HORMAD2: variants seen among roughly 807,000 people sequenced by gnomAD.
HORMAD2 encodes the protein HORMA domain containing 2.
HORMAD2 carries 45 observed loss-of-function variants against 38.8 expected under a neutral mutation model. The ratio of observed to expected loss-of-function variants is 1.16; its 90% CI spans 0.91 to 1.49. The LOEUF (loss-of-function observed/expected upper bound fraction) is 1.49, where lower values mean the gene tolerates loss of function less well. Ranked by LOEUF, HORMAD2 falls within the 40% of genes most tolerant of loss-of-function variation. The pLI is 0.00. For synonymous variants in HORMAD2, 126 were observed against 122.8 expected, an observed-to-expected ratio of 1.03 and a Z score of -0.17; for missense variants, 338 against 367.0, an observed-to-expected ratio of 0.92 and a Z score of 0.65.
At chr22:30,178,395 A>G (rs1395199142), downstream of HORMAD2, among the ~76,000 whole-genome samples, 1 of 152,212 alleles carries the variant, frequency 6.6e-6, no homozygotes, top group Non-Finnish European at 1.5e-5. Flanking sequence ...GTGAGACAAC[A>G]GAGAAGTTTC....
chr22:30,152,228 C>T (rs948970411), intron 10 of HORMAD2, among the ~76,000 whole-genome samples: 4 of 152,062 alleles, frequency 2.6e-5, no homozygotes, highest in African/African-American at 4.8e-5. Flanking sequence ...GAAACAGTCT[C>T]GCTCTGTTGC....
chr22:30,078,606 A>AC (rs200880308), upstream of HORMAD2, among the ~76,000 whole-genome samples: 188 of 130,608 alleles, frequency 1.4e-3, 3 homozygotes, highest in Middle Eastern at 3.9e-3. Context: ...ACTCTGTCTC[A>AC]CAAAAAAAAA....
intron 2 of HORMAD2, among the ~76,000 whole-genome samples, chr22:30,095,131 C>T (rs1465296977): frequency 1.3e-5 from 2 of 152,082 alleles, no homozygotes; most frequent in Non-Finnish European, 2.9e-5. Flanking sequence ...ACTACTGGGT[C>T]TTCTTCTGTC....
At chr22:30,099,571 C>T (rs1920929818) in intron 3 of HORMAD2, among the ~76,000 whole-genome samples, 1 of 152,060 alleles carries the variant, frequency 6.6e-6, no homozygotes, top group African/African-American at 2.4e-5. Flanking sequence ...CTGTTTCTGG[C>T]CCCTTTTCTT....
the HORMAD2 span, among the ~76,000 whole-genome samples, chr22:30,195,499 C>G: frequency 6.6e-6 from 1 of 152,200 alleles, no homozygotes; most frequent in African/African-American, 2.4e-5. Flanking sequence ...AGGGCAGGCT[C>G]TTTGACTGAG....
At chr22:30,107,807 C>A (rs1172324066) in intron 5 of HORMAD2, among the ~76,000 whole-genome samples, 2 of 151,410 alleles carry the variant, frequency 1.3e-5, no homozygotes, top group Non-Finnish European at 1.5e-5. Flanking sequence ...ATTTGAGTAT[C>A]TAGAGATCTT....
At chr22:30,158,611 G>A (rs56092518) in intron 10 of HORMAD2, among the ~76,000 whole-genome samples, 5 of 44,486 alleles carry the variant, frequency 1.1e-4, no homozygotes, top group South Asian at 1.1e-3. Flanking sequence ...CCCTCCCTCC[G>A]TCCCTCCCTC....
intron 1 of HORMAD2, among the ~76,000 whole-genome samples, chr22:30,085,898 C>T (rs1024721159): frequency 1.3e-5 from 2 of 152,184 alleles, no homozygotes; most frequent in Non-Finnish European, 1.5e-5. Context: ...GCAAAGGGCA[C>T]ATAACCCAGA....
intron 1 of HORMAD2, among the ~76,000 whole-genome samples, chr22:30,085,571 T>G (rs1160405411): frequency 6.6e-6 from 1 of 152,056 alleles, no homozygotes; most frequent in Non-Finnish European, 1.5e-5. Flanking sequence ...CTGGCCAACA[T>G]GGCTAAACCC....
At chr22:30,151,877 T>G (rs1326330814) in intron 10 of HORMAD2, among the ~76,000 whole-genome samples, 1 of 152,172 alleles carries the variant, frequency 6.6e-6, no homozygotes, top group East Asian at 1.9e-4. Context: ...TATCCTGACT[T>G]TGTTCAAAAG....
At chr22:30,147,874 C>T (rs1158775564) in intron 10 of HORMAD2, among the ~76,000 whole-genome samples, 1 of 152,110 alleles carries the variant, frequency 6.6e-6, no homozygotes, top group East Asian at 1.9e-4. Flanking sequence ...CTTTGGGAGG[C>T]CCTGGTGGAA....
chr22:30,140,281 A>G (rs939449270), intron 10 of HORMAD2, among the ~76,000 whole-genome samples: 1 of 151,688 alleles, frequency 6.6e-6, no homozygotes, highest in African/African-American at 2.4e-5. Context: ...AAAAAGAAAA[A>G]GTGTGCATGA....
rs1238387812 is a variant in HORMAD2 at position 30,126,547 on chromosome 22, A to G, written c.819+4333A>G. Among the ~76,000 whole-genome samples, 3 of 152,168 alleles carry G rather than the reference A, an allele frequency of 2.0e-5. No individual in the cohort carries two copies. In the East Asian group the frequency reaches 5.8e-4, roughly 29 times the overall value. Reference sequence around the variant, plus strand: ...ACATGTTGTTGTAGACCATCCTGACAATTTATTCATTCTATTGTTAATGAC... The same window carrying G: ...ACATGTTGTTGTAGACCATCCTGACGATTTATTCATTCTATTGTTAATGAC... On this transcript the variant is annotated intron_variant, in intron 10 of 10. Transcript: ENST00000336726.
chr22:30,117,575 C>G (rs113723147), intron 7 of HORMAD2, among the ~76,000 whole-genome samples: 6,481 of 152,070 alleles, frequency 0.043, 459 homozygotes, highest in African/African-American at 0.15. Context: ...GAGGAACAGT[C>G]TAGGCTCACT....
Position 30,115,976 on chromosome 22 carries a change from T to C in HORMAD2, c.343-3004T>C, listed in dbSNP as rs549932273. Among the ~76,000 whole-genome samples, 5 of 152,296 alleles carry C rather than the reference T, an allele frequency of 3.3e-5. No homozygotes were observed. The South Asian group carries it at 1.0e-3, about 32-fold the overall frequency. ...ACAGTTAACATCACAGGCATTGGCG[T>C]CAAATCGCAGTTCTACCACTTACTA... On this transcript the variant is annotated intron_variant, in intron 7 of 10. Transcript: ENST00000336726.
intron 10 of HORMAD2, among the ~76,000 whole-genome samples, chr22:30,161,276 C>A (rs1198393746): frequency 6.6e-6 from 1 of 152,164 alleles, no homozygotes; most frequent in Non-Finnish European, 1.5e-5. Flanking sequence ...TCTGTACTTA[C>A]AGTTATGCTA....
intron 10 of HORMAD2, among the ~76,000 whole-genome samples, chr22:30,172,273 A>C (rs1049060324): frequency 6.6e-6 from 1 of 152,210 alleles, no homozygotes; most frequent in Non-Finnish European, 1.5e-5. Flanking sequence ...TCTTTTGTTC[A>C]CTGATAGGTC....
intron 10 of HORMAD2, among the ~76,000 whole-genome samples, chr22:30,161,929 T>C (rs1422911519): frequency 6.6e-6 from 1 of 152,204 alleles, no homozygotes; most frequent in African/African-American, 2.4e-5. Flanking sequence ...AGTTTAATTA[T>C]ATTTAATACA....
chr22:30,191,820 G>A, the HORMAD2 span, among the ~76,000 whole-genome samples: 23 of 151,998 alleles, frequency 1.5e-4, 1 homozygote, highest in South Asian at 8.3e-4. Flanking sequence ...CTTTGCTGCC[G>A]GAACATTCAA....
Sources: allele counts gnomAD v4.1 joint callset (sites outside exome capture counted in the v4.1 genomes callset), GRCh38; gene constraint gnomAD v4.1.1; transcripts MANE v1.5; gene names NCBI Gene and HGNC (gene_info 2026-07-23, HGNC 2026-07-21).